Variants in LRRC53 observed in about 807,000 individuals in gnomAD.
LRRC53 encodes leucine-rich repeat-containing protein 53.
LRRC53 carries 25 observed loss-of-function variants against 13.6 expected under a neutral mutation model. The ratio of observed to expected loss-of-function variants is 1.83; its 90% CI spans 1.34 to 2.56. The LOEUF is 2.56. Ranked by LOEUF, LRRC53 falls within the 30% of genes most tolerant of loss-of-function variation. The pLI, the probability that LRRC53 is intolerant of heterozygous loss-of-function variation, is 0.00. For synonymous variants in LRRC53, 204 were observed against 109.8 expected, an observed-to-expected ratio of 1.86 and a Z score of -5.37; for missense variants, 527 against 275.8, an observed-to-expected ratio of 1.91 and a Z score of -6.45.
At position 74,489,304 on chromosome 1, in the gene LRRC53, T is replaced by C. The variant is rs921220650; in HGVS notation, c.-26-5929A>G. 3 of 1,559,958 alleles carry C rather than the reference T, an allele frequency of 1.9e-6. No homozygotes were observed. In the African/African-American group the frequency reaches 4.1e-5, roughly 22 times the overall value. On this transcript the variant is annotated intron_variant, in intron 1 of 4. Transcript: ENST00000294635. ...TAAAAAAGCCCTGCATATCCAAGGC[T>C]GTCAGGGAATGTAGATGAGCTGGTG...
chr1:74,534,832 G>T, the LRRC53 span, among the ~76,000 whole-genome samples: 707 of 152,224 alleles, frequency 4.6e-3, 5 homozygotes, highest in African/African-American at 0.016. Context: ...ATGTGAAAGT[G>T]GTTTCTCTAC....
chr1:74,534,791 A>C, the LRRC53 span, among the ~76,000 whole-genome samples: 1 of 152,128 alleles, frequency 6.6e-6, no homozygotes, highest in Non-Finnish European at 1.5e-5. Flanking sequence ...GCCTTATACA[A>C]CCTGTCATTC....
At chr1:74,518,342 C>T in the LRRC53 span, among the ~76,000 whole-genome samples, 2 of 152,164 alleles carry the variant, frequency 1.3e-5, no homozygotes, top group Non-Finnish European at 2.9e-5. Flanking sequence ...CACATAGCCT[C>T]TTACTGTTCA....
chr1:74,535,069 C>T, the LRRC53 span, among the ~76,000 whole-genome samples: 1 of 152,158 alleles, frequency 6.6e-6, no homozygotes, highest in South Asian at 2.1e-4. Flanking sequence ...AAATGTTGGA[C>T]ACGTCAGATA....
upstream of LRRC53, among the ~76,000 whole-genome samples, chr1:74,515,103 C>A (rs1646330346): frequency 6.6e-6 from 1 of 152,054 alleles, no homozygotes; most frequent in African/African-American, 2.4e-5. Flanking sequence ...TCAGAAAGAA[C>A]CAACCTTGCC....
the LRRC53 span, among the ~76,000 whole-genome samples, chr1:74,536,780 T>G: frequency 6.6e-6 from 1 of 152,192 alleles, no homozygotes; most frequent in African/African-American, 2.4e-5. Flanking sequence ...TTGAAATACT[T>G]GCAAAATTGA....
chr1:74,496,587 T>G (rs1669337255), intron 1 of LRRC53, among the ~76,000 whole-genome samples: 1 of 152,148 alleles, frequency 6.6e-6, no homozygotes, highest in Non-Finnish European at 1.5e-5. Context: ...ATGGGGTTTT[T>G]GGTTGTTTGT....
At chr1:74,476,942 C>A (rs571470822) in intron 3 of LRRC53, among the ~76,000 whole-genome samples, 2 of 152,226 alleles carry the variant, frequency 1.3e-5, no homozygotes, top group South Asian at 4.1e-4. Context: ...GTAAAATCCT[C>A]ATACCATTGT....
At chr1:74,495,455 A>G (rs1392457236) in intron 1 of LRRC53, among the ~76,000 whole-genome samples, 1 of 152,168 alleles carries the variant, frequency 6.6e-6, no homozygotes, top group Non-Finnish European at 1.5e-5. Context: ...AAAAAATTGG[A>G]TAAATTGGCT....
Position 74,470,608 on chromosome 1 carries a change from T to C in LRRC53, c.3014A>G (p.Asp1005Gly), listed in dbSNP as rs1194521474. ...TTGTGTTTGGGGAATGAGAGAGGAATCATAAGTTTCTGTTTTTGAAAGTTT... is the reference window on the plus strand; with the variant it reads ...TTGTGTTTGGGGAATGAGAGAGGAACCATAAGTTTCTGTTTTTGAAAGTTT... Reference protein sequence around the residue: ...EKKLSKTETYDSSLIPQTQSK... With the variant: ...EKKLSKTETYGSSLIPQTQSK... The change falls in exon 5 of 5, where the codon GAT becomes GGT. Residue 1005 changes from aspartate (D) to glycine (G), a missense_variant. By Grantham distance (94) the Asp-to-Gly change is moderately conservative. Coordinates refer to ENST00000294635, the MANE Select transcript of LRRC53 (RefSeq NM_001382280.1). 1 of 400,602 alleles carries C rather than the reference T, an allele frequency of 2.5e-6. No homozygotes were observed. The highest frequency in any genetic ancestry group is 4.4e-6 in the Non-Finnish European group (1 of 226,186). 24.8% of individuals were successfully genotyped at this position (400,602 alleles called of 1,614,324 possible).
At chr1:74,520,367 C>T in the LRRC53 span, among the ~76,000 whole-genome samples, 7 of 152,084 alleles carry the variant, frequency 4.6e-5, no homozygotes, top group South Asian at 2.1e-4. Flanking sequence ...GACTACTTCG[C>T]GTGAGTTCCA....
upstream of LRRC53, among the ~76,000 whole-genome samples, chr1:74,513,507 G>A (rs1254845848): frequency 6.6e-6 from 1 of 152,188 alleles, no homozygotes; most frequent in African/African-American, 2.4e-5. Flanking sequence ...ACTGCAAGAG[G>A]AGTTCCTCTT....
At chr1:74,518,873 C>CTTTTTTTTTTTTT in the LRRC53 span, among the ~76,000 whole-genome samples, 18 of 100,358 alleles carry the variant, frequency 1.8e-4, 1 homozygote, top group Admixed American at 3.1e-4. Context: ...TTTTTTTTCC[C>CTTTTTTTTTTTTT]CTTTTTTTTT....
the LRRC53 span, among the ~76,000 whole-genome samples, chr1:74,521,018 C>T: frequency 3.3e-5 from 5 of 152,106 alleles, no homozygotes; most frequent in Non-Finnish European, 5.9e-5. Context: ...ACAGATCCAC[C>T]TTCTCTGCTC....
chr1:74,492,834 C>T (rs925239636), intron 1 of LRRC53, among the ~76,000 whole-genome samples: 1 of 152,166 alleles, frequency 6.6e-6, no homozygotes, highest in African/African-American at 2.4e-5. Context: ...ATACTGGGTA[C>T]ATAAAACAGC....
the LRRC53 span, among the ~76,000 whole-genome samples, chr1:74,533,369 C>T: frequency 6.6e-6 from 1 of 152,198 alleles, no homozygotes; most frequent in Admixed American, 6.5e-5. Flanking sequence ...GACATACCAT[C>T]TCACACCAGT....
chr1:74,480,034 G>A (rs1570676413), intron 3 of LRRC53, 119 bp downstream of exon 3: 2 of 609,642 alleles, frequency 3.3e-6, no homozygotes, highest in Non-Finnish European at 2.9e-6. Context: ...ACATCTACTG[G>A]CAACCTCTCC....
intron 1 of LRRC53, among the ~76,000 whole-genome samples, chr1:74,511,730 C>T (rs527538881): frequency 1.3e-5 from 2 of 152,038 alleles, no homozygotes; most frequent in African/African-American, 4.8e-5. Context: ...GTAGGAAGCC[C>T]TGTGAGCCTG....
At chr1:74,517,997 G>A in the LRRC53 span, among the ~76,000 whole-genome samples, 14,523 of 152,166 alleles carry the variant, frequency 0.095, 1,589 homozygotes, top group African/African-American at 0.27. Context: ...GTCAGCATAC[G>A]GTGGGAAGTC....
Sources: allele counts gnomAD v4.1 joint callset (sites outside exome capture counted in the v4.1 genomes callset), GRCh38; gene constraint gnomAD v4.1.1; transcripts MANE v1.5; gene names NCBI Gene and HGNC (gene_info 2026-07-23, HGNC 2026-07-21).